The following PKD1L1 variants were observed in gnomAD, a reference collection of about 807,000 sequenced individuals.
The protein encoded by PKD1L1 is polycystin-1-like protein 1.
PKD1L1 carries 236 observed loss-of-function variants against 323.4 expected under a neutral mutation model. The observed-to-expected ratio is 0.73, with a 90% confidence interval of 0.66 to 0.81. The LOEUF is 0.81. Among genes scored for constraint, PKD1L1 ranks in the 40% least tolerant of loss-of-function variants. PKD1L1 has a pLI of 0.00. For synonymous variants in PKD1L1, 1,344 were observed against 1,335.0 expected (o/e 1.01, Z -0.15); for missense variants, 3,320 against 3,508.0 (o/e 0.95, Z 1.35).
At chr7:47,894,921 G>A (rs1222127220) in intron 14 of PKD1L1, among the ~76,000 whole-genome samples, 1 of 152,070 alleles carries the variant, frequency 6.6e-6, no homozygotes, top group East Asian at 1.9e-4. Context: ...CTTTCACTGG[G>A]TCTCAGCCTT....
chr7:47,838,217 TA>T (rs1416895565), intron 36 of PKD1L1, among the ~76,000 whole-genome samples: 3 of 152,250 alleles, frequency 2.0e-5, no homozygotes, highest in African/African-American at 7.2e-5. Context: ...TGTTTCTTAC[TA>T]GCTTAGCAAT....
chr7:47,912,408 T>C (rs1482569070), intron 8 of PKD1L1, among the ~76,000 whole-genome samples: 1 of 152,114 alleles, frequency 6.6e-6, no homozygotes, highest in East Asian at 1.9e-4. Context: ...ATTCAAGAAA[T>C]CTTTCCTGAA....
At chr7:47,813,044 C>A in intron 49 of PKD1L1, 77 bp downstream of exon 49, 1 of 1,524,020 alleles carries the variant, frequency 6.6e-7, no homozygotes, top group South Asian at 1.3e-5. Flanking sequence ...GCTGCAGATG[C>A]GCTGCGTCCA....
chr7:47,879,670 A>C (rs1786490586), intron 21 of PKD1L1, among the ~76,000 whole-genome samples: 2 of 140,892 alleles, frequency 1.4e-5, no homozygotes, highest in South Asian at 2.3e-4. Flanking sequence ...ACGGTGGCTC[A>C]CGCCTGTAAT....
At chr7:47,795,326 A>C (rs781141528) in intron 55 of PKD1L1, 6 of 455,424 alleles carry the variant, frequency 1.3e-5, no homozygotes, top group South Asian at 9.3e-5. Context: ...ACAAGATCTG[A>C]TCATTTATAA....
rs535609729 is a variant in PKD1L1 at position 47,843,848 on chromosome 7, C to T, written c.5238-679G>A. 1.1e-3 allele frequency among the ~76,000 whole-genome samples: 165 copies of T among 152,280 alleles called. 3 individuals are homozygous for T. The highest frequency in any genetic ancestry group is 3.7e-3 in the African/African-American group (152 of 41,560). ...GGTGGGCACCAGGGTCTATGTCACA[C>T]GGGGATGTTGCCCGCCCCATCCCCT... On this transcript the variant is annotated intron_variant, in intron 33 of 56. Transcript: ENST00000289672.
chr7:47,779,977 C>CA (rs1410986513), intron 56 of PKD1L1, among the ~76,000 whole-genome samples: 1 of 152,134 alleles, frequency 6.6e-6, no homozygotes, highest in Non-Finnish European at 1.5e-5. Context: ...AAGTTAATAC[C>CA]ATTTTCAACT....
intron 56 of PKD1L1, among the ~76,000 whole-genome samples, chr7:47,778,472 G>T (rs902074213): frequency 1.3e-5 from 2 of 152,148 alleles, no homozygotes; most frequent in African/African-American, 4.8e-5. Context: ...ACATGGAGGA[G>T]ATAATACAGA....
In PKD1L1 at chr7:47,877,508, A is replaced by G; in HGVS notation, c.3644T>C (p.Phe1215Ser). Residue 1215 changes from phenylalanine to serine, a missense_variant, in exon 22 of 57, where the codon TTC becomes TCC. By Grantham distance (155) the Phe-to-Ser change is radical (BLOSUM62 -2). Transcript: ENST00000289672. The part of the protein sequence containing the change: ...GLEAHTVFSV[F>S]CMSGKPDFHY... ...ACGTACCGGTTTTCCAGACATGCAG[A>G]AGACACTGAAGACGGTGTGTGCTTC... 1 of 1,613,886 alleles carries G rather than the reference A, an allele frequency of 6.2e-7. No individual in the cohort carries two copies. Among genetic ancestry groups the G allele is most frequent in the African/African-American group, 1.3e-5 (1 of 74,992 alleles).
chr7:47,941,220 A>G (rs935864660), intron 2 of PKD1L1, among the ~76,000 whole-genome samples: 1 of 152,198 alleles, frequency 6.6e-6, no homozygotes, highest in Non-Finnish European at 1.5e-5. Flanking sequence ...GTCAGACCCG[A>G]GTCCCTGTAA....
chr7:47,831,507 G>A (rs142406308), intron 41 of PKD1L1, among the ~76,000 whole-genome samples, 155 bp from the exon 42 acceptor site: 150 of 152,328 alleles, frequency 9.8e-4, no homozygotes, highest in African/African-American at 3.4e-3. Flanking sequence ...TTCGGGGTTG[G>A]GGGTGTTTCC....
At chr7:47,941,378 G>A (rs1787982899) in intron 2 of PKD1L1, among the ~76,000 whole-genome samples, 1 of 152,230 alleles carries the variant, frequency 6.6e-6, no homozygotes, top group Non-Finnish European at 1.5e-5. Flanking sequence ...CATCCTCACA[G>A]GGGATGTGGC....
At chr7:47,831,118 C>G in intron 42 of PKD1L1, 99 bp downstream of exon 42, 1 of 1,406,594 alleles carries the variant, frequency 7.1e-7, no homozygotes, top group Non-Finnish European at 9.7e-7. Flanking sequence ...ACATCTGGAG[C>G]CTGCATCTGA....
Position 47,893,906 on chromosome 7 carries a change from C to T in PKD1L1, c.2425G>A (p.Asp809Asn), listed in dbSNP as rs760687444. Residue 809 changes from aspartate (D) to asparagine (N), a missense_variant, in exon 15 of 57, where the codon GAC (aspartate) becomes AAC (asparagine). Coordinates refer to ENST00000289672, the MANE Select transcript of PKD1L1 (RefSeq NM_138295.5). ...PIVLRGTQSF[D>N]PDDPGATLRY... ...AGAGTCGCCCCAGGGTCGTCAGGGT[C>T]GAAGGACTGGGTCCCTCTGAGGACA... 21 of 1,613,674 alleles carry T rather than the reference C, an allele frequency of 1.3e-5. No individual in the cohort carries two copies. In the Admixed American group the frequency reaches 1.3e-4, roughly 10 times the overall value.
intron 33 of PKD1L1, among the ~76,000 whole-genome samples, chr7:47,843,736 G>C (rs1315047893): frequency 1.3e-5 from 2 of 152,104 alleles, no homozygotes; most frequent in Non-Finnish European, 2.9e-5. Context: ...AATGCCCACA[G>C]TTCCGTAGAA....
intron 13 of PKD1L1, among the ~76,000 whole-genome samples, chr7:47,901,512 C>T (rs1384965102): frequency 6.6e-6 from 1 of 152,280 alleles, no homozygotes; most frequent in South Asian, 2.1e-4. Flanking sequence ...AGGGTCTGTG[C>T]TTTTTCCTGC....
rs577093905 is a variant in PKD1L1 at position 47,910,706 on chromosome 7, A to G, written c.1229-2456T>C. 8.1e-4 allele frequency among the ~76,000 whole-genome samples: 122 copies of G among 150,364 alleles called. No homozygotes were observed. The Middle Eastern group carries it at 0.018, about 22-fold the overall frequency. On this transcript the variant is annotated intron_variant, in intron 8 of 56. Coordinates refer to ENST00000289672, the MANE Select transcript of PKD1L1 (RefSeq NM_138295.5). ...AGAGTCTCACTCTGTCGCCCAGGCT[A>G]GAGTGCAGTGGCATGATCTCAGCTC... is the stretch of plus-strand genomic sequence containing the variant.
chr7:47,785,744 CT>C (rs58949004), intron 56 of PKD1L1, among the ~76,000 whole-genome samples: 16,285 of 140,998 alleles, frequency 0.12, 930 homozygotes, highest in Non-Finnish European at 0.14. Flanking sequence ...ATATTTCTTT[CT>C]TTTTTTTTTT....
the PKD1L1 span, among the ~76,000 whole-genome samples, chr7:47,957,872 T>TATATATATATATATAC: frequency 4.1e-5 from 6 of 147,694 alleles, no homozygotes; most frequent in Non-Finnish European, 1.5e-5. Context: ...AATATATATA[T>TATATATATATATATAC]ATATATCTAG....
Sources: gnomAD v4.1 joint callset for allele counts (sites outside exome capture counted in the v4.1 genomes callset) on GRCh38, gnomAD v4.1.1 for gene constraint, MANE v1.5 for transcripts, NCBI Gene and HGNC (gene_info 2026-07-23, HGNC 2026-07-21) for gene names.